Variants in EYS observed in about 807,000 individuals in gnomAD.
EYS encodes the protein EGF-like photoreceptor maintenance factor.
Under a neutral mutation model 282.1 loss-of-function variants are expected in EYS, and 250 were observed. The ratio of observed to expected loss-of-function variants is 0.89; its 90% CI spans 0.80 to 0.98. The LOEUF (loss-of-function observed/expected upper bound fraction) is 0.98, where lower values mean the gene tolerates loss of function less well. Ranked by LOEUF, EYS falls within the 50% of genes least tolerant of loss-of-function variation. The pLI, the probability that EYS is intolerant of heterozygous loss-of-function variation, is 0.00. For synonymous variants in EYS, 1,355 were observed against 1,282.9 expected (o/e 1.06, Z -1.20); for missense variants, 4,016 against 3,709.0 (o/e 1.08, Z -2.15).
At chr6:65,447,197 T>A (rs1055855225) in intron 5 of EYS, among the ~76,000 whole-genome samples, 1 of 151,068 alleles carries the variant, frequency 6.6e-6, no homozygotes, top group African/African-American at 2.4e-5. Context: ...TGCTTAATCA[T>A]CTGTCTTCCC....
intron 31 of EYS, among the ~76,000 whole-genome samples, chr6:64,182,088 A>G (rs1764803694): frequency 6.6e-6 from 1 of 152,286 alleles, no homozygotes; most frequent in Admixed American, 6.5e-5. Context: ...ATAAAAAACC[A>G]TGCAGAATTA....
At chr6:64,841,588 C>T (rs572487459) in intron 19 of EYS, among the ~76,000 whole-genome samples, 4 of 152,118 alleles carry the variant, frequency 2.6e-5, no homozygotes, top group East Asian at 3.9e-4. Context: ...TTTCCCAATC[C>T]GAAATCCAGA....
At chr6:65,038,653 T>C (rs1772840556) in intron 13 of EYS, among the ~76,000 whole-genome samples, 1 of 151,508 alleles carries the variant, frequency 6.6e-6, no homozygotes, top group Non-Finnish European at 1.5e-5. Flanking sequence ...AAAATGTTTT[T>C]CAAATTTTTT....
Position 65,442,797 on chromosome 6 carries a change from GAC to G in EYS, c.863-37432_863-37431del, listed in dbSNP as rs1020372489. On this transcript the variant is annotated intron_variant, in intron 5 of 42. Coordinates refer to ENST00000503581, the MANE Select transcript of EYS (RefSeq NM_001142800.2). Reference sequence around the variant, plus strand: ...ATAAAAAATTAAAAAAAAATATATAGACACACACACATGCATATGTGTATATG... The same window carrying G: ...ATAAAAAATTAAAAAAAAATATATAGACACACACATGCATATGTGTATATG... Among the ~76,000 whole-genome samples the G allele has an allele frequency of 1.1e-4, 11 of 103,482 alleles. 2 individuals carry two copies. The Admixed American group carries it at 1.1e-3, about 10-fold the overall frequency. The allele number at this position is 103,482 out of a possible 152,430, so 67.9% of individuals were successfully genotyped here.
chr6:63,863,670 T>TTTCTTTTCTTTTCTTTTCTTTTC (rs4034985), intron 36 of EYS, among the ~76,000 whole-genome samples: 28 of 71,286 alleles, frequency 3.9e-4, no homozygotes, highest in South Asian at 2.0e-3. Flanking sequence ...TTTCTTTTCT[T>TTTCTTTTCTTTTCTTTTCTTTTC]TTTTCTTTTT....
At chr6:65,173,147 A>T (rs996442812) in intron 12 of EYS, among the ~76,000 whole-genome samples, 3 of 151,392 alleles carry the variant, frequency 2.0e-5, no homozygotes, top group African/African-American at 7.3e-5. Context: ...GTTGCAATGG[A>T]TAACCTTATC....
chr6:65,048,311 A>G (rs150054735), intron 13 of EYS, among the ~76,000 whole-genome samples: 33 of 152,000 alleles, frequency 2.2e-4, no homozygotes, highest in African/African-American at 7.2e-4. Context: ...ACTCCACTGA[A>G]AACTCTTCTT....
intron 14 of EYS, among the ~76,000 whole-genome samples, chr6:64,978,487 G>T (rs991739809): frequency 1.3e-5 from 2 of 151,890 alleles, no homozygotes; most frequent in Non-Finnish European, 2.9e-5. Flanking sequence ...TGTACAAGGA[G>T]ATTAATATTT....
intron 26 of EYS, among the ~76,000 whole-genome samples, chr6:64,544,252 C>A (rs1212724659): frequency 1.3e-5 from 2 of 152,080 alleles, no homozygotes; most frequent in Non-Finnish European, 1.5e-5. Flanking sequence ...AATAAGTTGA[C>A]AGAAATAGCT....
In EYS at chr6:64,074,203, A is replaced by G. The variant is rs529345501; in HGVS notation, c.6571+7653T>C. 1.2e-3 allele frequency among the ~76,000 whole-genome samples: 186 copies of G among 151,834 alleles called. 1 individual carries two copies. Among genetic ancestry groups the G allele is most frequent in the African/African-American group, 4.5e-3 (185 of 41,490 alleles). On this transcript the variant is annotated intron_variant, in intron 32 of 42. Transcript: ENST00000503581. ...TAATTTAAGATTTGTTAAGCATAAA[A>G]GTGCTGCTTAGAACAATGAATAATA...
chr6:65,659,560 A>G (rs995328327), intron 1 of EYS, among the ~76,000 whole-genome samples: 4 of 151,700 alleles, frequency 2.6e-5, no homozygotes, highest in African/African-American at 9.7e-5. Flanking sequence ...TTCCTGGTCA[A>G]TTTTTAGAAA....
At chr6:63,959,783 G>A (rs945779748) in intron 35 of EYS, among the ~76,000 whole-genome samples, 3 of 152,140 alleles carry the variant, frequency 2.0e-5, no homozygotes, top group African/African-American at 7.2e-5. Flanking sequence ...AACACCACAT[G>A]TTCTCACTCA....
At chr6:65,567,154 A>G (rs1201814798) in intron 2 of EYS, among the ~76,000 whole-genome samples, 1 of 151,930 alleles carries the variant, frequency 6.6e-6, no homozygotes, top group African/African-American at 2.4e-5. Flanking sequence ...ACCTTCTGCC[A>G]TGAGAAAACA....
intron 22 of EYS, among the ~76,000 whole-genome samples, chr6:64,769,714 C>A (rs1396394561): frequency 6.6e-6 from 1 of 151,934 alleles, no homozygotes; most frequent in African/African-American, 2.4e-5. Context: ...CCACGAAATT[C>A]TTCCTGAAGG....
intron 2 of EYS, among the ~76,000 whole-genome samples, chr6:65,578,139 A>G (rs1381766575): frequency 6.6e-6 from 1 of 151,778 alleles, no homozygotes; most frequent in Non-Finnish European, 1.5e-5. Context: ...CACTTTTTGC[A>G]GCACTAGTCA....
intron 2 of EYS, among the ~76,000 whole-genome samples, chr6:65,639,397 C>CA (rs910867607): frequency 7.3e-5 from 11 of 150,068 alleles, no homozygotes; most frequent in South Asian, 2.1e-4. Flanking sequence ...TCCATTAACT[C>CA]AAAAAAAAAT....
At chr6:63,830,671 A>G (rs1161358120) in intron 36 of EYS, among the ~76,000 whole-genome samples, 1 of 152,194 alleles carries the variant, frequency 6.6e-6, no homozygotes, top group East Asian at 1.9e-4. Flanking sequence ...AACTTCCCCA[A>G]CCTAGCAAGG....
intron 14 of EYS, among the ~76,000 whole-genome samples, chr6:64,988,873 A>G (rs1049217244): frequency 4.0e-5 from 6 of 151,658 alleles, no homozygotes; most frequent in African/African-American, 1.4e-4. Flanking sequence ...ATTATTTTTA[A>G]CACAAAAGTG....
At chr6:64,156,136 C>G (rs1048772358) in intron 31 of EYS, among the ~76,000 whole-genome samples, 21 of 151,810 alleles carry the variant, frequency 1.4e-4, no homozygotes, top group African/African-American at 5.1e-4. Flanking sequence ...TTGAATTATA[C>G]TCCCATAATT....
Sources: allele counts gnomAD v4.1 joint callset (sites outside exome capture counted in the v4.1 genomes callset), GRCh38; gene constraint gnomAD v4.1.1; transcripts MANE v1.5; gene names NCBI Gene and HGNC (gene_info 2026-07-23, HGNC 2026-07-21).